SH3GL1: variants seen among roughly 807,000 people sequenced by gnomAD.
SH3GL1 encodes the protein SH3 domain containing GRB2 like 1, endophilin A2.
SH3GL1 carries 21 observed loss-of-function variants against 48.8 expected under a neutral mutation model. That is an observed-to-expected ratio of 0.43 (90% CI 0.30 to 0.62). The LOEUF is 0.62. Among genes scored for constraint, SH3GL1 ranks in the 20% least tolerant of loss-of-function variants. SH3GL1 has a pLI of 0.11. For missense variants in SH3GL1, 454 were observed against 503.0 expected, an observed-to-expected ratio of 0.90 and a Z score of 0.93; for synonymous variants, 282 against 217.5, an observed-to-expected ratio of 1.30 and a Z score of -2.61.
Position 4,361,450 on chromosome 19 carries a change from C to T in SH3GL1, c.*150G>A. ...AGCCCCCCCACCCAAGTGTGGGGTC[C>T]TGCTCAGGGAGTACCTCAAGGGCCG... On this transcript the variant is annotated 3_prime_UTR_variant, in exon 10 of 10. Coordinates refer to ENST00000269886, the MANE Select transcript of SH3GL1 (RefSeq NM_003025.4). 1.6e-6 allele frequency: 1 copy of T among 624,500 alleles called. No homozygotes were observed. Among genetic ancestry groups the T allele is most frequent in the Non-Finnish European group, 2.8e-6 (1 of 357,216 alleles). The allele number at this position is 624,500 out of a possible 1,614,324, so 38.7% of individuals were successfully genotyped here.
intron 1 of SH3GL1, among the ~76,000 whole-genome samples, chr19:4,394,872 T>C (rs1973398383): frequency 1.3e-5 from 2 of 152,164 alleles, no homozygotes; most frequent in African/African-American, 4.8e-5. Context: ...TCCTATGCAT[T>C]GTAGGATGCT....
chr19:4,370,261 G>A (rs1268791255), intron 1 of SH3GL1, among the ~76,000 whole-genome samples: 5 of 152,202 alleles, frequency 3.3e-5, no homozygotes, highest in Admixed American at 6.5e-5. Flanking sequence ...GGTCCCAGCA[G>A]TCCATTCCTG....
Position 4,389,644 on chromosome 19 carries a change from C to G in SH3GL1, c.45+10680G>C, listed in dbSNP as rs1200909599. ...CTTCTCTTCCTCTAGGGCGTGCTCA[C>G]ACAAACTCGACACGAGGCCATCCGC... On this transcript the variant is annotated intron_variant, in intron 1 of 9. Transcript: ENST00000269886. The surrounding 1 kb of genome is among the most constrained non-coding windows in gnomAD (Gnocchi z 4.5). 6.6e-6 allele frequency among the ~76,000 whole-genome samples: 1 copy of G among 152,192 alleles called. No homozygotes were observed. Among genetic ancestry groups the G allele is most frequent in the Non-Finnish European group, 1.5e-5 (1 of 68,018 alleles).
chr19:4,381,200 T>C, intron 1 of SH3GL1, among the ~76,000 whole-genome samples: 1 of 99,850 alleles, frequency 1.0e-5, no homozygotes. Context: ...CTCTCTCCCA[T>C]CTCTCTCTGT....
chr19:4,366,031 A>G (rs1425243022), intron 3 of SH3GL1, among the ~76,000 whole-genome samples: 1 of 152,108 alleles, frequency 6.6e-6, no homozygotes, highest in Non-Finnish European at 1.5e-5. Flanking sequence ...GCAGGGCCTG[A>G]GTGGACACTG....
In SH3GL1 at chr19:4,388,362, G is replaced by C. The variant is rs1247059878; in HGVS notation, c.45+11962C>G. Among the ~76,000 whole-genome samples the C allele has an allele frequency of 2.0e-5, 3 of 152,216 alleles. No homozygotes were observed. The East Asian group carries it at 5.8e-4, about 29-fold the overall frequency. ...GCCTGCTGTGGTCTGCGAGTCGTGGGAGTGTCACATTTGAACGCTGGGACA... is the reference window on the plus strand; with the variant it reads ...GCCTGCTGTGGTCTGCGAGTCGTGGCAGTGTCACATTTGAACGCTGGGACA... On this transcript the variant is annotated intron_variant, in intron 1 of 9. Coordinates refer to ENST00000269886, the MANE Select transcript of SH3GL1 (RefSeq NM_003025.4).
At chr19:4,391,987 C>T (rs1031686263) in intron 1 of SH3GL1, among the ~76,000 whole-genome samples, 8 of 152,254 alleles carry the variant, frequency 5.3e-5, no homozygotes, top group African/African-American at 1.7e-4. Context: ...TCCCATCATA[C>T]GTGGACATCA....
intron 1 of SH3GL1, among the ~76,000 whole-genome samples, chr19:4,393,280 A>G (rs1645166162): frequency 6.8e-6 from 1 of 147,818 alleles, no homozygotes; most frequent in African/African-American, 2.4e-5. Context: ...AAAAACAAAA[A>G]TAACAAAACA....
At chr19:4,370,359 C>T (rs558402639) in intron 1 of SH3GL1, among the ~76,000 whole-genome samples, 275 of 152,332 alleles carry the variant, frequency 1.8e-3, no homozygotes, top group African/African-American at 6.4e-3. Flanking sequence ...CGAGTCCATC[C>T]CATACCCACA....
intron 1 of SH3GL1, among the ~76,000 whole-genome samples, chr19:4,397,981 G>A (rs1001384856): frequency 6.6e-6 from 1 of 152,028 alleles, no homozygotes; most frequent in Admixed American, 6.6e-5. Context: ...CAAGTAGCTG[G>A]GACTGCAGGT....
chr19:4,382,351 G>A (rs528474487), intron 1 of SH3GL1, among the ~76,000 whole-genome samples: 263 of 139,450 alleles, frequency 1.9e-3, no homozygotes, highest in African/African-American at 6.6e-3. Context: ...TCCGCCTCCC[G>A]GGTTCACGCC....
At chr19:4,362,479 TGGC>T (rs1278113725) in intron 8 of SH3GL1, 94 bp from the exon 9 acceptor site, 7 of 1,570,620 alleles carry the variant, frequency 4.5e-6, no homozygotes, top group Non-Finnish European at 5.2e-6. Context: ...CCGTCTGCCT[TGGC>T]GGTCCAGATG....
intron 3 of SH3GL1, 48 bp downstream of exon 3, chr19:4,366,453 G>C (rs899591940): frequency 1.4e-6 from 2 of 1,443,508 alleles, no homozygotes; most frequent in Non-Finnish European, 1.9e-6. Flanking sequence ...CTCTGACACA[G>C]AGGCCAGAGG....
Position 4,362,319 on chromosome 19 carries a change from G to A in SH3GL1, c.910+10C>T. On this transcript the variant is annotated intron_variant, in intron 9 of 9. Transcript: ENST00000269886. The stretch of plus-strand genomic sequence containing the variant: ...AGCACTGAGGTCGAGGCGGGCCTGG[G>A]AACACTCACGCATGCTCCGGCTAGG... The A allele has an allele frequency of 2.5e-6, 4 of 1,610,206 alleles. No individual in the cohort carries two copies. Among genetic ancestry groups the A allele is most frequent in the Non-Finnish European group, 3.4e-6 (4 of 1,178,052 alleles).
chr19:4,376,577 CCT>C lies in SH3GL1; in HGVS notation c.46-9585_46-9584del, dbSNP rs1281772227. ...TTCTCCCAACACACCACTGATGCCTCCTCTCTCGTGCGCCTGCCCCTTCACAC... is the reference window on the plus strand; with the variant it reads ...TTCTCCCAACACACCACTGATGCCTCCTCTCGTGCGCCTGCCCCTTCACAC... On this transcript the variant is annotated intron_variant, in intron 1 of 9. Coordinates refer to ENST00000269886, the MANE Select transcript of SH3GL1 (RefSeq NM_003025.4). This position sits in a 1 kb window ranked among gnomAD's most constrained non-coding sequence, Gnocchi z 4.3. Among the ~76,000 whole-genome samples the C allele has an allele frequency of 6.6e-6, 1 of 152,088 alleles. No homozygotes were observed. Among genetic ancestry groups the C allele is most frequent in the East Asian group, 1.9e-4 (1 of 5,182 alleles).
chr19:4,384,004 G>A (rs1336652376), intron 1 of SH3GL1, among the ~76,000 whole-genome samples: 1 of 152,212 alleles, frequency 6.6e-6, no homozygotes, highest in Non-Finnish European at 1.5e-5. Context: ...GGAATGATTT[G>A]GGGCTACAAA....
chr19:4,382,729 G>C (rs1973160806), intron 1 of SH3GL1, among the ~76,000 whole-genome samples: 1 of 152,162 alleles, frequency 6.6e-6, no homozygotes, highest in Non-Finnish European at 1.5e-5. Context: ...CGTGGCGGGT[G>C]CTGTCCTGCT....
intron 1 of SH3GL1, among the ~76,000 whole-genome samples, chr19:4,370,881 G>A (rs1237587007): frequency 3.3e-5 from 5 of 152,262 alleles, no homozygotes; most frequent in East Asian, 1.9e-4. Context: ...GTTGCCTGCC[G>A]GACACTTCCC....
chr19:4,377,825 A>G (rs989592142), intron 1 of SH3GL1, among the ~76,000 whole-genome samples: 11 of 152,212 alleles, frequency 7.2e-5, no homozygotes, highest in African/African-American at 2.7e-4. Flanking sequence ...GCACAGAGGA[A>G]GCAGGCAAAT....
Sources: gnomAD v4.1 joint callset for allele counts (sites outside exome capture counted in the v4.1 genomes callset) on GRCh38, gnomAD v4.1.1 for gene constraint, Gnocchi (gnomAD v3.1) non-coding constraint, MANE v1.5 for transcripts, NCBI Gene and HGNC (gene_info 2026-07-23, HGNC 2026-07-21) for gene names.